RANBP3: variants seen among roughly 807,000 people sequenced by gnomAD.
RANBP3 encodes the protein RAN binding protein 3, also known as ran-binding protein 3.
In RANBP3, 14 loss-of-function variants were observed where a neutral mutation model predicts 77.3. The ratio of observed to expected loss-of-function variants is 0.18; its 90% CI spans 0.12 to 0.28. The LOEUF (loss-of-function observed/expected upper bound fraction) is 0.28. Ranked by LOEUF, RANBP3 falls within the 10% of genes least tolerant of loss-of-function variation. The probability of loss-of-function intolerance (pLI) is 1.00; values close to 1 mark genes in which losing one functional copy is unlikely to be tolerated. For missense variants in RANBP3, 586 were observed against 752.3 expected (o/e 0.78, Z 2.59); for synonymous variants, 315 against 312.4 (o/e 1.01, Z -0.09).
rs148773776 is a variant in RANBP3 at position 5,946,207 on chromosome 19, A to C, written c.283-4372T>G. On this transcript the variant is annotated intron_variant, in intron 3 of 16. Transcript: ENST00000340578. ...GAGCTACCCTGTTTTGTTCTATCAC[A>C]TAGGGAAATGATCTCAGAGGTGTCT... Among the ~76,000 whole-genome samples the C allele has an allele frequency of 2.3e-3, 347 of 152,246 alleles. 3 individuals are homozygous for C. Among genetic ancestry groups the C allele is most frequent in the Middle Eastern group, 0.02 (6 of 294 alleles).
Position 5,940,275 on chromosome 19 carries a change from T to C in RANBP3, c.406+1346A>G, listed in dbSNP as rs114329205. 4.5e-3 allele frequency among the ~76,000 whole-genome samples: 681 copies of C among 152,228 alleles called. 2 individuals are homozygous for C. Among genetic ancestry groups the C allele is most frequent in the African/African-American group, 0.016 (653 of 41,508 alleles). On this transcript the variant is annotated intron_variant, in intron 5 of 16. Transcript: ENST00000340578. The stretch of plus-strand genomic sequence containing the variant: ...CACCTCCTCTTCTCTATGCTGGTTT[T>C]CGATACAGCAAGCATGGTTCAGCAG...
chr19:5,918,509 A>C lies in RANBP3; in HGVS notation c.1460T>G (p.Val487Gly). Residue 487 changes from valine to glycine, a missense_variant, in exon 15 of 17, where the codon GTC becomes GGC. Physicochemically the swap from Val to Gly is moderately radical, Grantham distance 109 (BLOSUM62 -3). Coordinates refer to ENST00000340578, the MANE Select transcript of RANBP3 (RefSeq NM_007322.3). ...AMDTEDQGVKVFLISASSKDT... is the reference protein window; with the variant it reads ...AMDTEDQGVKGFLISASSKDT... ...TGGCTGGCTCACCGAGATCAGGAAG[A>C]CCTTCACGCCCTGGTCCTCGGTGTC... 6.2e-7 allele frequency: 1 copy of C among 1,610,280 alleles called. No individual in the cohort carries two copies. The highest frequency in any genetic ancestry group is 8.5e-7 in the Non-Finnish European group (1 of 1,178,582).
At chr19:5,917,714 C>A (rs2057759395) in intron 16 of RANBP3, 61 bp from the exon 17 acceptor site, 3 of 1,588,588 alleles carry the variant, frequency 1.9e-6, no homozygotes, top group Admixed American at 1.7e-5. Context: ...TCTGGCCACC[C>A]CCGCCAGGAG....
chr19:5,923,258 C>T lies in RANBP3; in HGVS notation c.1145G>A (p.Arg382Gln), dbSNP rs1194140337. ...SAAAYTKATA[R>Q]KCLLEKVEVI... ...TTCCACTTTTTCCAACAAACACTTCCGCGCTGTTGCCTTGGTGTAGGCGGC... is the reference window on the plus strand; with the variant it reads ...TTCCACTTTTTCCAACAAACACTTCTGCGCTGTTGCCTTGGTGTAGGCGGC... The change falls in exon 13 of 17, where the codon CGG (arginine) becomes CAG (glutamine). Residue 382 changes from arginine to glutamine, a missense_variant. Coordinates refer to ENST00000340578, the MANE Select transcript of RANBP3 (RefSeq NM_007322.3). The T allele has an allele frequency of 7.4e-6, 12 of 1,614,262 alleles. No homozygotes were observed. Among genetic ancestry groups the T allele is most frequent in the South Asian group, 1.1e-5 (1 of 91,092 alleles).
At chr19:5,928,834 G>A (rs146420431) in intron 8 of RANBP3, among the ~76,000 whole-genome samples, 2 of 152,338 alleles carry the variant, frequency 1.3e-5, no homozygotes, top group East Asian at 3.9e-4. Flanking sequence ...ATATGGAGTT[G>A]CTAGTAATTT....
At chr19:5,948,347 G>A (rs936118410) in intron 3 of RANBP3, among the ~76,000 whole-genome samples, 1 of 152,078 alleles carries the variant, frequency 6.6e-6, no homozygotes, top group African/African-American at 2.4e-5. Context: ...AGCTACTCAG[G>A]AGGCTGAGGC....
intron 1 of RANBP3, among the ~76,000 whole-genome samples, chr19:5,960,363 A>G (rs2058385173): frequency 6.6e-6 from 1 of 152,198 alleles, no homozygotes; most frequent in Non-Finnish European, 1.5e-5. Flanking sequence ...GCTGCACTCC[A>G]GCATCTGTGG....
intron 9 of RANBP3, among the ~76,000 whole-genome samples, chr19:5,927,221 T>G (rs1388339306): frequency 1.3e-5 from 2 of 152,116 alleles, no homozygotes; most frequent in Non-Finnish European, 2.9e-5. Flanking sequence ...AGAGTCCCAG[T>G]GCATGGTCCA....
chr19:5,921,045 G>C lies in RANBP3; in HGVS notation c.1330+156C>G, dbSNP rs1292299483. 15 of 879,848 alleles carry C rather than the reference G, an allele frequency of 1.7e-5. No individual in the cohort carries two copies. The highest frequency in any genetic ancestry group is 6.4e-5 in the South Asian group (3 of 47,156). The allele number at this position is 879,848 out of a possible 1,614,324, so 54.5% of individuals were successfully genotyped here. A position where few individuals can be genotyped will look rare whatever the true frequency, so the allele number is the denominator to read the frequency against. ...GTGTTGAGGGCTGGGTGCAGGGAGG[G>C]GGTTTGGGGGGCGGCTCTCATGGGA... On this transcript the variant is annotated intron_variant, in intron 14 of 16. Transcript: ENST00000340578. This position sits in a 1 kb window ranked among gnomAD's most constrained non-coding sequence, Gnocchi z 5.3.
chr19:5,923,412 G>C (rs759358109), intron 12 of RANBP3, 109 bp from the exon 13 acceptor site: 18 of 1,097,348 alleles, frequency 1.6e-5, no homozygotes, highest in Non-Finnish European at 2.4e-5. Flanking sequence ...AAGGACGCCT[G>C]CTGCCCCTGG....
chr19:5,921,461 G>T lies in RANBP3; in HGVS notation c.1210-140C>A. 1.0e-6 allele frequency: 1 copy of T among 974,684 alleles called. No homozygotes were observed. The highest frequency in any genetic ancestry group is 1.6e-5 in the African/African-American group (1 of 61,150). The allele number at this position is 974,684 out of a possible 1,614,324, so 60.4% of individuals were successfully genotyped here. On this transcript the variant is annotated intron_variant, in intron 13 of 16. Coordinates refer to ENST00000340578, the MANE Select transcript of RANBP3 (RefSeq NM_007322.3). The surrounding 1 kb of genome is among the most constrained non-coding windows in gnomAD (Gnocchi z 5.3). ...TGGGGGCCACCTTGGTCAGTTTTTT[G>T]TCCTGCCCTCAAGCTAGAACAGGCT...
At chr19:5,941,222 G>A (rs768373527) in intron 5 of RANBP3, among the ~76,000 whole-genome samples, 6 of 152,212 alleles carry the variant, frequency 3.9e-5, no homozygotes, top group Non-Finnish European at 8.8e-5. Flanking sequence ...TGGACTGCCC[G>A]TGCTGGGCAT....
At position 5,958,197 on chromosome 19, in the gene RANBP3, T is replaced by C. The variant is rs1055978600; in HGVS notation, c.23-224A>G. Among the ~76,000 whole-genome samples, 2 of 152,154 alleles carry C rather than the reference T, an allele frequency of 1.3e-5. No homozygotes were observed. The highest frequency in any genetic ancestry group is 1.9e-4 in the East Asian group (1 of 5,188). On this transcript the variant is annotated intron_variant, in intron 1 of 16. Transcript: ENST00000340578. This position sits in a 1 kb window ranked among gnomAD's most constrained non-coding sequence, Gnocchi z 4.4. ...GATGTGACGTGTGCCCTCTGCTGTA[T>C]GCATTTATCATCAATAAGGAGTTTT... is the stretch of plus-strand genomic sequence containing the variant.
chr19:5,955,084 G>C (rs2058319740), intron 2 of RANBP3, among the ~76,000 whole-genome samples: 1 of 152,184 alleles, frequency 6.6e-6, no homozygotes, highest in African/African-American at 2.4e-5. Flanking sequence ...AATTGGCTGT[G>C]AGCCAATATT....
chr19:5,933,303 A>T, intron 6 of RANBP3, 111 bp downstream of exon 6: 2 of 866,578 alleles, frequency 2.3e-6, no homozygotes, highest in East Asian at 2.7e-5. Flanking sequence ...GTCAAGTTAC[A>T]AGTGATCTTT....
At chr19:5,918,462 A>G in intron 15 of RANBP3, 34 bp downstream of exon 15, 1 of 1,342,556 alleles carries the variant, frequency 7.4e-7, no homozygotes, top group Non-Finnish European at 9.9e-7. Flanking sequence ...TGGCAGGATG[A>G]GGGGTCCCAG....
At chr19:5,948,295 A>C (rs1395121146) in intron 3 of RANBP3, among the ~76,000 whole-genome samples, 2 of 151,356 alleles carry the variant, frequency 1.3e-5, no homozygotes, top group African/African-American at 4.9e-5. Flanking sequence ...CCAAAAATAC[A>C]AAAAAAATTA....
chr19:5,947,326 AAAG>A (rs1299777270), intron 3 of RANBP3, among the ~76,000 whole-genome samples: 59 of 151,640 alleles, frequency 3.9e-4, no homozygotes, highest in African/African-American at 1.4e-3. Flanking sequence ...AAAAAAAAAA[AAAG>A]AAAGAAAAGA....
chr19:5,932,672 T>A (rs2145089451), intron 6 of RANBP3, 128 bp from the exon 7 acceptor site: 4 of 659,700 alleles, frequency 6.1e-6, no homozygotes, highest in East Asian at 2.8e-5. Flanking sequence ...AGCACTTTTT[T>A]AAAAACTTGA....
Sources: gnomAD v4.1 joint callset for allele counts (sites outside exome capture counted in the v4.1 genomes callset) on GRCh38, gnomAD v4.1.1 for gene constraint, Gnocchi (gnomAD v3.1) non-coding constraint, MANE v1.5 for transcripts, NCBI Gene and HGNC (gene_info 2026-07-23, HGNC 2026-07-21) for gene names.